VWA8: variants seen among roughly 807,000 people sequenced by gnomAD.
VWA8 encodes von Willebrand factor A domain-containing protein 8.
In VWA8, 221 loss-of-function variants were observed where a neutral mutation model predicts 241.5. The ratio of observed to expected loss-of-function variants is 0.91; its 90% CI spans 0.82 to 1.02. The LOEUF (loss-of-function observed/expected upper bound fraction) is 1.02, where lower values mean the gene tolerates loss of function less well. VWA8 is among the 50% of genes least tolerant of loss of function. VWA8 has a pLI of 0.00. For missense variants in VWA8, 2,322 were observed against 2,328.7 expected (o/e 1.00, Z 0.06); for synonymous variants, 852 against 827.1 (o/e 1.03, Z -0.52).
At chr13:41,795,483 A>G (rs768804410) in intron 17 of VWA8, among the ~76,000 whole-genome samples, 1 of 152,230 alleles carries the variant, frequency 6.6e-6, no homozygotes, top group Non-Finnish European at 1.5e-5. Context: ...TCTGTTATAA[A>G]GTTATATGCA....
chr13:41,594,660 T>C (rs2044477083), intron 40 of VWA8, among the ~76,000 whole-genome samples: 3 of 152,204 alleles, frequency 2.0e-5, no homozygotes, highest in Admixed American at 2.0e-4. Flanking sequence ...ACAGCTGATG[T>C]TGGCGGAGCA....
In VWA8 at chr13:41,907,576, C is replaced by T. The variant is rs2003064; in HGVS notation, c.483+10G>A. Reference sequence around the variant, plus strand: ...TACACAGTCATGGGCTAGAGTGTGACAGAACTTGCCTGATCAATGTAAAAG... The same window carrying T: ...TACACAGTCATGGGCTAGAGTGTGATAGAACTTGCCTGATCAATGTAAAAG... On this transcript the variant is annotated intron_variant, in intron 4 of 44. Transcript: ENST00000379310. 0.86 allele frequency: 1,387,040 copies of T among 1,612,992 alleles called. 599,461 individuals are homozygous for T. Among genetic ancestry groups the T allele is most frequent in the East Asian group, 1 (44,848 of 44,866 alleles).
At chr13:41,613,999 C>T (rs559171491) in intron 38 of VWA8, among the ~76,000 whole-genome samples, 16 of 152,320 alleles carry the variant, frequency 1.1e-4, no homozygotes, top group Middle Eastern at 3.4e-3. Context: ...ATTTCTCCCC[C>T]AGAGTAGTCC....
rs1491333879 is a variant in VWA8 at position 41,863,453 on chromosome 13, ATT to A, written c.1425+2281_1425+2282del. On this transcript the variant is annotated intron_variant, in intron 12 of 44. Coordinates refer to ENST00000379310, the MANE Select transcript of VWA8 (RefSeq NM_015058.2). The stretch of plus-strand genomic sequence containing the variant: ...TGTGTGTATATATATATATATATAT[ATT>A]CACACACACACACACACTATATATA... Among the ~76,000 whole-genome samples, 931 of 102,436 alleles carry A rather than the reference ATT, an allele frequency of 9.1e-3. 54 individuals carry two copies. The highest frequency in any genetic ancestry group is 0.027 in the African/African-American group (823 of 30,318). The allele number at this position is 102,436 out of a possible 152,430, so 67.2% of individuals were successfully genotyped here.
In VWA8 at chr13:41,728,366, T is replaced by C. The variant is rs114121651; in HGVS notation, c.2639-1053A>G. 4.6e-3 allele frequency among the ~76,000 whole-genome samples: 698 copies of C among 152,150 alleles called. 7 individuals are homozygous for C. The highest frequency in any genetic ancestry group is 0.016 in the African/African-American group (676 of 41,560). ...GTAAAGAAAATGAAAAATATAACCC[T>C]ACAAGTGATGGTTCATGAAACTACA... is the stretch of plus-strand genomic sequence containing the variant. On this transcript the variant is annotated intron_variant, in intron 23 of 44. Coordinates refer to ENST00000379310, the MANE Select transcript of VWA8 (RefSeq NM_015058.2).
intron 4 of VWA8, among the ~76,000 whole-genome samples, chr13:41,904,712 A>T (rs1169083463): frequency 6.6e-6 from 1 of 152,182 alleles, no homozygotes. Flanking sequence ...TCTTCACATA[A>T]GTTTTAAATG....
At position 41,891,521 on chromosome 13, in the gene VWA8, T is replaced by C; in HGVS notation, c.550A>G (p.Asn184Asp). 1 of 1,614,216 alleles carries C rather than the reference T, an allele frequency of 6.2e-7. No homozygotes were observed. The highest frequency in any genetic ancestry group is 2.2e-5 in the East Asian group (1 of 44,886). Residue 184 changes from asparagine to aspartate, a missense_variant, in exon 5 of 45, where the codon AAT (asparagine) becomes GAT (aspartate). Physicochemically the swap from Asn to Asp is conservative, Grantham distance 23 (BLOSUM62 1). Coordinates refer to ENST00000379310, the MANE Select transcript of VWA8 (RefSeq NM_015058.2). ...ILEGLEKAER[N>D]VLPVLNNLLE... ...AAGTTGTTCAAAACAGGCAAAACAT[T>C]CCTCTCTGCCTTTTCCAAACCTTCC...
chr13:41,691,265 A>T (rs1231688399), intron 32 of VWA8, 55 bp downstream of exon 32: 2 of 1,559,744 alleles, frequency 1.3e-6, no homozygotes, highest in African/African-American at 2.7e-5. Flanking sequence ...TGGATAATTC[A>T]TAAATAAGAT....
intron 14 of VWA8, among the ~76,000 whole-genome samples, chr13:41,825,480 C>T (rs1329146929): frequency 1.3e-5 from 2 of 152,120 alleles, no homozygotes; most frequent in Non-Finnish European, 2.9e-5. Context: ...CCTAGGAGTA[C>T]TGATTCCCTG....
At chr13:41,762,123 G>C (rs1365551883) in intron 20 of VWA8, among the ~76,000 whole-genome samples, 2 of 152,050 alleles carry the variant, frequency 1.3e-5, no homozygotes, top group Non-Finnish European at 2.9e-5. Context: ...CAACAGAAAT[G>C]CTCATTGGAG....
At chr13:41,942,893 G>A (rs960760919) in intron 2 of VWA8, among the ~76,000 whole-genome samples, 1 of 152,182 alleles carries the variant, frequency 6.6e-6, no homozygotes, top group Non-Finnish European at 1.5e-5. Flanking sequence ...CACTGAAGTG[G>A]CCTCTGGAGG....
intron 16 of VWA8, among the ~76,000 whole-genome samples, chr13:41,813,892 G>T (rs1421518381): frequency 6.6e-6 from 1 of 151,968 alleles, no homozygotes; most frequent in African/African-American, 2.4e-5. Flanking sequence ...AAAAAAAAAG[G>T]GGGGCGGTGA....
chr13:41,713,496 T>C (rs2045331039), intron 26 of VWA8, among the ~76,000 whole-genome samples: 1 of 152,246 alleles, frequency 6.6e-6, no homozygotes, highest in East Asian at 1.9e-4. Context: ...ATGTAAAAAA[T>C]TTTAATTAAA....
intron 16 of VWA8, among the ~76,000 whole-genome samples, chr13:41,815,219 A>G (rs1304931327): frequency 6.6e-6 from 1 of 152,232 alleles, no homozygotes; most frequent in Non-Finnish European, 1.5e-5. Flanking sequence ...CAATGGGTAA[A>G]GGAGAAAGTA....
chr13:41,743,586 A>G (rs1203019295), intron 21 of VWA8, among the ~76,000 whole-genome samples: 1 of 152,204 alleles, frequency 6.6e-6, no homozygotes, highest in East Asian at 1.9e-4. Context: ...CCACAAATAA[A>G]CTACAATTAT....
chr13:41,906,071 T>C (rs1875700150), intron 4 of VWA8, among the ~76,000 whole-genome samples: 1 of 152,118 alleles, frequency 6.6e-6, no homozygotes, highest in African/African-American at 2.4e-5. Flanking sequence ...TCCCACTAGA[T>C]GATGCTAAAT....
chr13:41,631,064 G>C (rs887526653), intron 37 of VWA8, among the ~76,000 whole-genome samples: 7 of 152,106 alleles, frequency 4.6e-5, no homozygotes, highest in East Asian at 1.9e-4. Context: ...CTGTCACTCA[G>C]GCTGGAGTGC....
At position 41,619,247 on chromosome 13, in the gene VWA8, C is replaced by G. The variant is rs768591126; in HGVS notation, c.4612-4163G>C. On this transcript the variant is annotated intron_variant, in intron 37 of 44. Coordinates refer to ENST00000379310, the MANE Select transcript of VWA8 (RefSeq NM_015058.2). ...TTTGTAGTAATTGTGAATGGGAGTTCACTCGTGATTTGGCTCTCTGTTTGT... is the reference window on the plus strand; with the variant it reads ...TTTGTAGTAATTGTGAATGGGAGTTGACTCGTGATTTGGCTCTCTGTTTGT... Among the ~76,000 whole-genome samples, 13 of 152,150 alleles carry G rather than the reference C, an allele frequency of 8.5e-5. 1 individual carries two copies. The highest frequency in any genetic ancestry group is 1.8e-4 in the Non-Finnish European group (12 of 68,032).
At chr13:41,810,919 A>C (rs1234305917) in intron 17 of VWA8, among the ~76,000 whole-genome samples, 2 of 152,028 alleles carry the variant, frequency 1.3e-5, no homozygotes, top group Non-Finnish European at 1.5e-5. Context: ...TTAAGGATAA[A>C]AATTTATTTT....
Sources: gnomAD v4.1 joint callset for allele counts (sites outside exome capture counted in the v4.1 genomes callset) on GRCh38, gnomAD v4.1.1 for gene constraint, MANE v1.5 for transcripts, NCBI Gene and HGNC (gene_info 2026-07-23, HGNC 2026-07-21) for gene names.